CHD6: variants seen among roughly 807,000 people sequenced by gnomAD.
The protein encoded by CHD6 is ATP-dependent chromatin remodeler CHD6.
In CHD6, 50 loss-of-function variants were observed where a neutral mutation model predicts 276.9. The observed-to-expected ratio is 0.18, with a 90% CI of 0.14 to 0.23. The LOEUF (loss-of-function observed/expected upper bound fraction) is 0.23. Ranked by LOEUF, CHD6 falls within the 10% of genes least tolerant of loss-of-function variation. CHD6 has a pLI of 1.00. For missense variants in CHD6, 2,564 were observed against 3,365.8 expected (o/e 0.76, Z 5.89); for synonymous variants, 1,173 against 1,229.3 (o/e 0.95, Z 0.96).
At chr20:41,547,989 A>G (rs1213368369) in intron 2 of CHD6, 3 of 248,820 alleles carry the variant, frequency 1.2e-5, no homozygotes, top group Admixed American at 9.8e-5. Context: ...CCAAAATTAT[A>G]CAACTAAATC....
chr20:41,439,080 G>A (rs1015268209), intron 26 of CHD6, among the ~76,000 whole-genome samples: 2 of 152,266 alleles, frequency 1.3e-5, no homozygotes, highest in African/African-American at 2.4e-5. Flanking sequence ...TGTTTTGGCC[G>A]GGTGTGGTGG....
intron 1 of CHD6, among the ~76,000 whole-genome samples, chr20:41,554,764 A>T (rs905125350): frequency 4.0e-5 from 6 of 151,220 alleles, no homozygotes; most frequent in Admixed American, 1.3e-4. Context: ...AAATGAAAAG[A>T]CTCCCATGTC....
chr20:41,611,880 G>A (rs530098184), intron 1 of CHD6, among the ~76,000 whole-genome samples: 82 of 151,994 alleles, frequency 5.4e-4, no homozygotes, highest in Non-Finnish European at 1.0e-3. Context: ...TCAGGTGATC[G>A]ACCTGCCTCG....
chr20:41,410,043 C>T (rs1258049002), intron 36 of CHD6, among the ~76,000 whole-genome samples: 2 of 152,156 alleles, frequency 1.3e-5, no homozygotes, highest in East Asian at 1.9e-4. Flanking sequence ...GGACACCACC[C>T]GTCCAAACCA....
intron 1 of CHD6, among the ~76,000 whole-genome samples, chr20:41,611,811 T>A (rs1384100005): frequency 6.6e-6 from 1 of 152,286 alleles, no homozygotes; most frequent in East Asian, 1.9e-4. Context: ...CTAATTTTTG[T>A]ATTTTTAGTA....
At chr20:41,555,998 C>T (rs1288079223) in intron 1 of CHD6, among the ~76,000 whole-genome samples, 10 of 152,370 alleles carry the variant, frequency 6.6e-5, no homozygotes, top group African/African-American at 2.2e-4. Flanking sequence ...GTCTGCAATC[C>T]CGGCACCTCG....
chr20:41,442,919 C>T (rs1005871090), intron 25 of CHD6, among the ~76,000 whole-genome samples: 8 of 152,184 alleles, frequency 5.3e-5, no homozygotes, highest in African/African-American at 1.9e-4. Context: ...CTGATCTGGC[C>T]CTATGCAGAG....
In CHD6 at chr20:41,420,721, T is replaced by C; in HGVS notation, c.5914A>G (p.Thr1972Ala). Reference protein sequence around the residue: ...AYIPDLFKSKTNTIAMEGEPT... With the variant: ...AYIPDLFKSKANTIAMEGEPT... ...TCACCCTCCATGGCGATAGTATTGGTTTTACTTTTGAACAGATCTGGGATA... is the reference window on the plus strand; with the variant it reads ...TCACCCTCCATGGCGATAGTATTGGCTTTACTTTTGAACAGATCTGGGATA... Residue 1972 changes from threonine (T) to alanine (A), a missense_variant, in exon 31 of 37, where the codon ACC becomes GCC. By Grantham distance (58) the Thr-to-Ala change is moderately conservative (BLOSUM62 0). Around this residue, in one of 7 missense-constraint regions of CHD6, gnomAD observed 1,024 missense variants for 1,047.9 expected, o/e 0.98. Transcript: ENST00000373233. The C allele has an allele frequency of 6.2e-7, 1 of 1,614,182 alleles. No homozygotes were observed. Among genetic ancestry groups the C allele is most frequent in the Middle Eastern group, 1.6e-4 (1 of 6,062 alleles).
At chr20:41,568,874 T>A (rs2045387079) in intron 1 of CHD6, among the ~76,000 whole-genome samples, 1 of 152,220 alleles carries the variant, frequency 6.6e-6, no homozygotes, top group Non-Finnish European at 1.5e-5. Flanking sequence ...GCTGTTCAAC[T>A]CTGGCACCTC....
At chr20:41,459,952 T>C (rs544297976) in intron 17 of CHD6, among the ~76,000 whole-genome samples, 1 of 152,344 alleles carries the variant, frequency 6.6e-6, no homozygotes, top group Admixed American at 6.5e-5. Context: ...CCTACAGACT[T>C]GTTCAATGGC....
At position 41,533,317 on chromosome 20, in the gene CHD6, C is replaced by T. The variant is rs1368163432; in HGVS notation, c.287G>A (p.Arg96Gln). ...GGGGTGVKKK[R>Q]KKKEPGDQEG... ...TTGGTCTCCTGGCTCCTTTTTCTTC[C>T]GTTTCTTCTTCACTCCAGTACCTCC... Residue 96 changes from arginine (R) to glutamine (Q), a missense_variant, in exon 3 of 37, where the codon CGG becomes CAG. By Grantham distance (43) the Arg-to-Gln change is conservative. Transcript: ENST00000373233. 9 of 1,613,924 alleles carry T rather than the reference C, an allele frequency of 5.6e-6. No homozygotes were observed. The highest frequency in any genetic ancestry group is 3.3e-5 in the Admixed American group (2 of 59,980).
In CHD6 at chr20:41,495,608, T is replaced by G. The variant is rs565831803; in HGVS notation, c.1093-1664A>C. 2.6e-5 allele frequency among the ~76,000 whole-genome samples: 4 copies of G among 152,274 alleles called. No homozygotes were observed. The East Asian group carries it at 7.7e-4, about 29-fold the overall frequency. ...TTGCTAAGAGGATAAATCTTAAGTG[T>G]TCTCACCCTTAGGGGGGAAAAAAGA... On this transcript the variant is annotated intron_variant, in intron 8 of 36. Transcript: ENST00000373233.
intron 5 of CHD6, among the ~76,000 whole-genome samples, chr20:41,504,248 T>C (rs1328352484): frequency 3.3e-5 from 5 of 151,890 alleles, no homozygotes; most frequent in Admixed American, 2.6e-4. Flanking sequence ...CCTCTTCTGC[T>C]GCATCTAATC....
At chr20:41,606,461 C>T (rs868632798) in intron 1 of CHD6, among the ~76,000 whole-genome samples, 1 of 152,072 alleles carries the variant, frequency 6.6e-6, no homozygotes, top group East Asian at 1.9e-4. Flanking sequence ...TTGCAGTGAG[C>T]CGAGATCGTG....
At position 41,445,561 on chromosome 20, in the gene CHD6, T is replaced by A. The variant is rs114220108; in HGVS notation, c.3877+104A>T. On this transcript the variant is annotated intron_variant, in intron 25 of 36. Coordinates refer to ENST00000373233, the MANE Select transcript of CHD6 (RefSeq NM_032221.5). ...TTTTTAAGATGAATGTGTAACAGAATGATAGAGTTTTGCAGGAACATGCCG... is the reference window on the plus strand; with the variant it reads ...TTTTTAAGATGAATGTGTAACAGAAAGATAGAGTTTTGCAGGAACATGCCG... 1.1e-3 allele frequency: 766 copies of A among 684,756 alleles called. 2 individuals are homozygous for A. In the African/African-American group the frequency reaches 0.012, roughly 10 times the overall value. 42.4% of individuals were successfully genotyped at this position (684,756 alleles called of 1,614,324 possible).
At chr20:41,414,596 C>T (rs984271174) in intron 34 of CHD6, 6 of 188,466 alleles carry the variant, frequency 3.2e-5, no homozygotes, top group African/African-American at 7.0e-5. Flanking sequence ...GCCAGGTATA[C>T]GGTTTCTGAC....
rs1198809326 is a variant in CHD6 at position 41,457,358 on chromosome 20, G to C, written c.2735C>G (p.Ser912Cys). 5.6e-6 allele frequency: 9 copies of C among 1,614,008 alleles called. No individual in the cohort carries two copies. The highest frequency in any genetic ancestry group is 6.8e-6 in the Non-Finnish European group (8 of 1,180,010). ...VKVYRLITRN[S>C]YEREMFDKAS... is the part of the protein sequence containing the mutation. ...CTTGTCAAACATCTCGCGCTCGTAG[G>C]AATTTCGAGTGATGAGGCGATACAC... is the stretch of plus-strand genomic sequence containing the variant. The change falls in exon 18 of 37, where the codon TCC (serine) becomes TGC (cysteine). Residue 912 changes from serine to cysteine, a missense_variant. By Grantham distance (112) the Ser-to-Cys change is moderately radical (BLOSUM62 -1). Coordinates refer to ENST00000373233, the MANE Select transcript of CHD6 (RefSeq NM_032221.5).
chr20:41,514,841 C>T lies in CHD6; in HGVS notation c.666G>A (p.Arg222=). The change falls in exon 4 of 37, where the codon CGG becomes CGA. Residue 222 remains arginine, a synonymous_variant. Transcript: ENST00000373233. Reference sequence around the variant, plus strand: ...TAGACTCAGTGGACTCCTCAGGACTCCGCAGAGATGGGTTCGTCAGGCCCT... The same window carrying T: ...TAGACTCAGTGGACTCCTCAGGACTTCGCAGAGATGGGTTCGTCAGGCCCT... ...LDQGLTNPSL[R]SPEESTESTD... 6.2e-7 allele frequency: 1 copy of T among 1,614,064 alleles called. No individual in the cohort carries two copies.
intron 3 of CHD6, 65 bp downstream of exon 3, chr20:41,532,984 AT>A: frequency 6.6e-7 from 1 of 1,512,044 alleles, no homozygotes; most frequent in Non-Finnish European, 8.8e-7. Context: ...GCTTGGGCTA[AT>A]GCCAAAGGCA....
Sources: gnomAD v4.1 joint callset for allele counts (sites outside exome capture counted in the v4.1 genomes callset) on GRCh38, gnomAD v4.1.1 for gene constraint, gnomAD v4.1.1 regional missense constraint, MANE v1.5 for transcripts, NCBI Gene and HGNC (gene_info 2026-07-23, HGNC 2026-07-21) for gene names.